IQGAP2: variants seen among roughly 807,000 people sequenced by gnomAD.
IQGAP2 encodes the protein ras GTPase-activating-like protein IQGAP2.
In IQGAP2, 173 loss-of-function variants were observed where a neutral mutation model predicts 201.3. The observed-to-expected ratio is 0.86, with a 90% CI of 0.76 to 0.98. The LOEUF is 0.98. IQGAP2 is among the 50% of genes least tolerant of loss of function. IQGAP2 has a pLI of 0.00. For synonymous variants in IQGAP2, 675 were observed against 673.9 expected (o/e 1.00, Z -0.03); for missense variants, 1,687 against 1,864.8 (o/e 0.90, Z 1.76).
intron 5 of IQGAP2, among the ~76,000 whole-genome samples, chr5:76,584,175 A>G (rs1746083689): frequency 6.6e-6 from 1 of 152,114 alleles, no homozygotes. Context: ...CCCAGCCGAG[A>G]AAAATATTTT....
rs772971574 is a variant in IQGAP2, at chr5:76,682,575, A to G, written c.3661-540A>G. Among the ~76,000 whole-genome samples the G allele has an allele frequency of 5.3e-4, 81 of 152,070 alleles. 1 individual carries two copies. Among genetic ancestry groups the G allele is most frequent in the Admixed American group, 2.7e-3 (41 of 15,268 alleles). ...CTGGCAAGACACCCCAGCAGATGTT[A>G]CTCATCTTTGGGCCTTCTTAGGATA... On this transcript the variant is annotated intron_variant, in intron 28 of 35. Coordinates refer to ENST00000274364, the MANE Select transcript of IQGAP2 (RefSeq NM_006633.5).
At chr5:76,604,737 A>G (rs558779091) in intron 11 of IQGAP2, among the ~76,000 whole-genome samples, 7 of 152,270 alleles carry the variant, frequency 4.6e-5, no homozygotes, top group African/African-American at 1.7e-4. Context: ...CCAAATCGTT[A>G]TTGTGGTCAG....
At chr5:76,585,977 C>A (rs115368745) in intron 5 of IQGAP2, among the ~76,000 whole-genome samples, 255 of 152,210 alleles carry the variant, frequency 1.7e-3, no homozygotes, top group Non-Finnish European at 2.8e-3. Flanking sequence ...TATGAGCACC[C>A]TTTTAACTGG....
chr5:76,496,717 TTTCTTTCTTTTC>T (rs1756925607), intron 2 of IQGAP2, among the ~76,000 whole-genome samples: 1 of 17,818 alleles, frequency 5.6e-5, no homozygotes, highest in African/African-American at 2.6e-4. Flanking sequence ...TCTTTCTTTC[TTTCTTTCTTTTC>T]TTTCTTTCTT....
intron 2 of IQGAP2, among the ~76,000 whole-genome samples, chr5:76,495,995 T>C (rs1228629208): frequency 1.3e-5 from 2 of 152,152 alleles, no homozygotes; most frequent in African/African-American, 4.8e-5. Context: ...TTGAGGTAAG[T>C]GTATACAAAG....
intron 32 of IQGAP2, among the ~76,000 whole-genome samples, chr5:76,696,449 C>T (rs1444862817): frequency 6.6e-6 from 1 of 152,186 alleles, no homozygotes; most frequent in Non-Finnish European, 1.5e-5. Context: ...TGCAATGAAA[C>T]ATCACAGGAA....
chr5:76,420,898 A>G lies in IQGAP2; in HGVS notation c.46+17307A>G, dbSNP rs1422935684. On this transcript the variant is annotated intron_variant, in intron 1 of 35. Transcript: ENST00000274364. Reference sequence around the variant, plus strand: ...AGGGTTCAACCATGTCATAGCATGTATCCGTACTTCCTTTTTAAGGCTGAA... The same window carrying G: ...AGGGTTCAACCATGTCATAGCATGTGTCCGTACTTCCTTTTTAAGGCTGAA... Among the ~76,000 whole-genome samples, 5 of 152,224 alleles carry G rather than the reference A, an allele frequency of 3.3e-5. No homozygotes were observed. In the East Asian group the frequency reaches 7.7e-4, roughly 23 times the overall value.
intron 6 of IQGAP2, among the ~76,000 whole-genome samples, chr5:76,589,202 C>G (rs978876147): frequency 1.3e-5 from 2 of 150,886 alleles, no homozygotes; most frequent in African/African-American, 4.9e-5. Flanking sequence ...GTCCCAGCTA[C>G]TTGGGAGGCT....
chr5:76,579,104 C>T (rs1019842178), intron 5 of IQGAP2, among the ~76,000 whole-genome samples: 1 of 152,040 alleles, frequency 6.6e-6, no homozygotes, highest in Non-Finnish European at 1.5e-5. Flanking sequence ...ACTTCAGATA[C>T]CTTAAAGAGC....
rs147321340 is a variant in IQGAP2 at position 76,509,482 on chromosome 5, C to T, written c.146+47813C>T. Among the ~76,000 whole-genome samples, 74 of 151,866 alleles carry T rather than the reference C, an allele frequency of 4.9e-4. 2 individuals are homozygous for T. The East Asian group carries it at 0.014, about 28-fold the overall frequency. On this transcript the variant is annotated intron_variant, in intron 2 of 35. Transcript: ENST00000274364. ...TGCAGTCTCGGCTCACTGCAAGCTC[C>T]GCCTCCCGGTTTCACGCCATTCTTC...
At chr5:76,457,334 T>C (rs1321838882) in intron 1 of IQGAP2, among the ~76,000 whole-genome samples, 1 of 152,196 alleles carries the variant, frequency 6.6e-6, no homozygotes, top group Non-Finnish European at 1.5e-5. Context: ...AGAAACACCC[T>C]AAATAATACC....
chr5:76,643,641 A>G (rs2150408213), intron 17 of IQGAP2, among the ~76,000 whole-genome samples: 1 of 152,312 alleles, frequency 6.6e-6, no homozygotes, highest in Non-Finnish European at 1.5e-5. Context: ...TAACTACAGG[A>G]GGAAGTTTTT....
chr5:76,442,669 C>A (rs1753114789), intron 1 of IQGAP2, among the ~76,000 whole-genome samples: 1 of 152,196 alleles, frequency 6.6e-6, no homozygotes, highest in Non-Finnish European at 1.5e-5. Flanking sequence ...AACCCCAGTT[C>A]TTTCTTATTT....
At chr5:76,623,367 C>G in intron 13 of IQGAP2, 1 of 993,098 alleles carries the variant, frequency 1.0e-6, no homozygotes, top group Non-Finnish European at 1.5e-6. Context: ...CTGTGCCGTG[C>G]AGGCAGGAAA....
chr5:76,575,637 TA>T, intron 4 of IQGAP2, 55 bp from the exon 5 acceptor site: 1 of 1,129,112 alleles, frequency 8.9e-7, no homozygotes, highest in Non-Finnish European at 1.3e-6. Flanking sequence ...TTTGGGAAGT[TA>T]AAATACTTGT....
intron 1 of IQGAP2, among the ~76,000 whole-genome samples, chr5:76,444,023 T>C (rs1231238294): frequency 6.7e-6 from 1 of 150,316 alleles, no homozygotes; most frequent in Non-Finnish European, 1.5e-5. Context: ...CCAAGTGTAT[T>C]GTAAAGTGTA....
intron 17 of IQGAP2, among the ~76,000 whole-genome samples, chr5:76,651,607 TAATAAG>T (rs1308309226): frequency 6.6e-6 from 1 of 152,014 alleles, no homozygotes; most frequent in Non-Finnish European, 1.5e-5. Context: ...TCTCAAAAAA[TAATAAG>T]AAAATAAAAG....
intron 26 of IQGAP2, among the ~76,000 whole-genome samples, 187 bp from the exon 27 acceptor site, chr5:76,674,285 CAAATT>C (rs1344230372): frequency 6.6e-6 from 1 of 151,930 alleles, no homozygotes; most frequent in Non-Finnish European, 1.5e-5. Context: ...AATAACTTTG[CAAATT>C]ATGCTATTAA....
intron 2 of IQGAP2, among the ~76,000 whole-genome samples, chr5:76,492,519 G>A (rs1318380473): frequency 2.6e-5 from 4 of 152,214 alleles, no homozygotes; most frequent in African/African-American, 9.6e-5. Flanking sequence ...GGTTGGAGCA[G>A]AGATTTCCTG....
Sources: gnomAD v4.1 joint callset for allele counts (sites outside exome capture counted in the v4.1 genomes callset) on GRCh38, gnomAD v4.1.1 for gene constraint, MANE v1.5 for transcripts, NCBI Gene and HGNC (gene_info 2026-07-23, HGNC 2026-07-21) for gene names.